Variants in SPATA6L observed in about 807,000 individuals in gnomAD.
SPATA6L encodes spermatogenesis associated 6-like protein.
In SPATA6L, 68 loss-of-function variants were observed where a neutral mutation model predicts 49.2. The ratio of observed to expected loss-of-function variants is 1.38; its 90% CI spans 1.14 to 1.69. The LOEUF (loss-of-function observed/expected upper bound fraction) is 1.69, where lower values mean the gene tolerates loss of function less well. SPATA6L is among the 40% of genes most tolerant of loss of function. The pLI is 0.00. For synonymous variants in SPATA6L, 198 were observed against 165.7 expected (o/e 1.19, Z -1.50); for missense variants, 668 against 464.3 (o/e 1.44, Z -4.03).
intron 13 of SPATA6L, among the ~76,000 whole-genome samples, chr9:4,590,942 T>C (rs950574707): frequency 4.6e-5 from 7 of 152,178 alleles, no homozygotes; most frequent in Non-Finnish European, 8.8e-5. Context: ...TGTCGCATCA[T>C]CTTCTTTCGC....
At chr9:4,604,402 G>C (rs1253212988) in intron 10 of SPATA6L, 133 bp from the exon 11 acceptor site, 6 of 544,972 alleles carry the variant, frequency 1.1e-5, no homozygotes, top group Non-Finnish European at 1.9e-5. Flanking sequence ...CACTATATAT[G>C]TGTGTATATA....
intron 3 of SPATA6L, among the ~76,000 whole-genome samples, chr9:4,649,924 T>C (rs1016614687): frequency 6.6e-6 from 1 of 152,234 alleles, no homozygotes; most frequent in Admixed American, 6.5e-5. Flanking sequence ...AGAATCAGTG[T>C]TCTTACAGAT....
rs533264101 is a variant in SPATA6L, at chr9:4,605,094, A to G, written c.1089+253T>C. Among the ~76,000 whole-genome samples, 10 of 152,176 alleles carry G rather than the reference A, an allele frequency of 6.6e-5. No homozygotes were observed. The South Asian group carries it at 2.1e-3, about 32-fold the overall frequency. On this transcript the variant is annotated intron_variant, in intron 10 of 11. Coordinates refer to ENST00000682582, the MANE Select transcript of SPATA6L (RefSeq NM_001353486.2). ...TCTGCTTGATGAGTGCTGTGCACCA[A>G]ATTAGCTGCTACTCCTCCGTTGGAT... is the stretch of plus-strand genomic sequence containing the variant.
At chr9:4,648,351 C>CT (rs1215764512) in intron 3 of SPATA6L, among the ~76,000 whole-genome samples, 4 of 152,146 alleles carry the variant, frequency 2.6e-5, no homozygotes, top group Admixed American at 6.5e-5. Flanking sequence ...CCTCTAAATT[C>CT]TTTTTTTAAA....
In SPATA6L at chr9:4,666,216, CG is replaced by C; in HGVS notation, c.34del (p.Arg12GlyfsTer23). Reference sequence around the variant, plus strand: ...GGGAGTTCATCGATCTCTTACCGCCCGGATCTGCAGCTCCACCACCACCTCC... The same window carrying C: ...GGGAGTTCATCGATCTCTTACCGCCCGATCTGCAGCTCCACCACCACCTCC... ...PLEVVVELQI[R>X]AISCPGVFLP... On this transcript the variant is annotated frameshift_variant, in exon 1 of 12. Coordinates refer to ENST00000682582, the MANE Select transcript of SPATA6L (RefSeq NM_001353486.2). LOFTEE classifies it high-confidence loss of function. 1 of 1,614,128 alleles carries C rather than the reference CG, an allele frequency of 6.2e-7. No homozygotes were observed. Among genetic ancestry groups the C allele is most frequent in the Non-Finnish European group, 8.5e-7 (1 of 1,180,022 alleles).
At chr9:4,650,825 TG>T (rs1358413089) in intron 3 of SPATA6L, among the ~76,000 whole-genome samples, 22 of 1,698 alleles carry the variant, frequency 0.013, no homozygotes, top group African/African-American at 0.054. Context: ...AAACCCAGCT[TG>T]TGTGTGTGTG....
chr9:4,599,227 G>T lies in SPATA6L; in HGVS notation c.*1584C>A, dbSNP rs762898176. 5.9e-5 allele frequency among the ~76,000 whole-genome samples: 9 copies of T among 152,178 alleles called. No individual in the cohort carries two copies. Among genetic ancestry groups the T allele is most frequent in the Non-Finnish European group, 1.2e-4 (8 of 68,030 alleles). On this transcript the variant is annotated 3_prime_UTR_variant, in exon 12 of 12. Coordinates refer to ENST00000682582, the MANE Select transcript of SPATA6L (RefSeq NM_001353486.2). ...ATTTTTCACTTATGGTGTTATATTG[G>T]TGCTCAAAAAGTTTTGGATTTTGGA...
intron 3 of SPATA6L, among the ~76,000 whole-genome samples, chr9:4,638,205 T>C (rs1420939521): frequency 8.3e-6 from 1 of 121,074 alleles, no homozygotes; most frequent in Non-Finnish European, 1.6e-5. Context: ...ATGGGTGTAA[T>C]TATTATTATT....
At chr9:4,591,163 G>A (rs1043779266) in intron 13 of SPATA6L, among the ~76,000 whole-genome samples, 1 of 152,148 alleles carries the variant, frequency 6.6e-6, no homozygotes, top group Non-Finnish European at 1.5e-5. Flanking sequence ...AAGGGCAGTC[G>A]CTGGAGAAAA....
At chr9:4,605,618 TGG>T (rs1419132356) in intron 9 of SPATA6L, among the ~76,000 whole-genome samples, 178 bp from the exon 10 acceptor site, 13 of 152,206 alleles carry the variant, frequency 8.5e-5, no homozygotes, top group Non-Finnish European at 1.2e-4. Context: ...GGAAAAGCAC[TGG>T]GGAATAAAAA....
intron 2 of SPATA6L, among the ~76,000 whole-genome samples, chr9:4,660,721 C>T (rs1014175623): frequency 1.3e-5 from 2 of 152,226 alleles, no homozygotes; most frequent in African/African-American, 4.8e-5. Flanking sequence ...ACTATAAAGA[C>T]ACATGCACAC....
chr9:4,646,824 A>T (rs1485475255), intron 3 of SPATA6L, among the ~76,000 whole-genome samples: 1 of 152,174 alleles, frequency 6.6e-6, no homozygotes, highest in African/African-American at 2.4e-5. Context: ...AGAAAGAGAA[A>T]ACCAAATGCA....
intron 9 of SPATA6L, among the ~76,000 whole-genome samples, chr9:4,608,927 G>A (rs903348160): frequency 4.0e-5 from 6 of 151,866 alleles, no homozygotes; most frequent in East Asian, 1.9e-4. Context: ...AAAGAGAGAA[G>A]AATCAAATAG....
At chr9:4,656,205 G>A (rs960371702) in intron 2 of SPATA6L, 116 bp from the exon 3 acceptor site, 9 of 764,224 alleles carry the variant, frequency 1.2e-5, no homozygotes, top group South Asian at 6.6e-5. Flanking sequence ...TTGGGAGGCC[G>A]AGGTGGGTGT....
Position 4,663,129 on chromosome 9 carries a change from A to C in SPATA6L, c.40-1093T>G, listed in dbSNP as rs1015666116. 41 of 1,613,902 alleles carry C rather than the reference A, an allele frequency of 2.5e-5. No homozygotes were observed. In the African/African-American group the frequency reaches 4.7e-4, roughly 18 times the overall value. ...CTTCGTCTTGGGCCTATCCAGGGTC[A>C]TGCTGGGGCGGCACAATGTCACCGA... On this transcript the variant is annotated intron_variant, in intron 1 of 11. Transcript: ENST00000682582.
intron 9 of SPATA6L, chr9:4,617,655 A>G: frequency 3.1e-6 from 1 of 323,628 alleles, no homozygotes; most frequent in Non-Finnish European, 5.5e-6. Flanking sequence ...GGTAAAATGA[A>G]AAGGTTTAGT....
At chr9:4,621,354 A>T (rs552098403) in intron 7 of SPATA6L, among the ~76,000 whole-genome samples, 1 of 152,328 alleles carries the variant, frequency 6.6e-6, no homozygotes, top group East Asian at 1.9e-4. Flanking sequence ...GCAACGTCAA[A>T]CTGTTTTCAT....
downstream of SPATA6L, among the ~76,000 whole-genome samples, chr9:4,595,728 C>A (rs1234405177): frequency 6.6e-6 from 1 of 152,194 alleles, no homozygotes; most frequent in African/African-American, 2.4e-5. Context: ...CTGAAACATA[C>A]AGAAGCAACA....
intron 3 of SPATA6L, among the ~76,000 whole-genome samples, chr9:4,645,767 A>G (rs1024390791): frequency 4.6e-5 from 7 of 152,220 alleles, no homozygotes; most frequent in African/African-American, 1.7e-4. Flanking sequence ...GTAGGCTTCT[A>G]TTTATATGAA....
Sources: gnomAD v4.1 joint callset for allele counts (sites outside exome capture counted in the v4.1 genomes callset) on GRCh38, gnomAD v4.1.1 for gene constraint, MANE v1.5 for transcripts, NCBI Gene and HGNC (gene_info 2026-07-23, HGNC 2026-07-21) for gene names.